The following ZMYND8 variants were observed in gnomAD, a reference collection of about 807,000 sequenced individuals.
The protein encoded by ZMYND8 is zinc finger MYND-type containing 8, also known as MYND-type zinc finger-containing chromatin reader ZMYND8.
ZMYND8 carries 37 observed loss-of-function variants against 140.8 expected under a neutral mutation model. The observed-to-expected ratio is 0.26, with a 90% confidence interval of 0.20 to 0.35. ZMYND8 has a LOEUF of 0.35. Ranked by LOEUF, ZMYND8 falls within the 10% of genes least tolerant of loss-of-function variation. The pLI, the probability that ZMYND8 is intolerant of heterozygous loss-of-function variation, is 1.00. For missense variants in ZMYND8, 1,068 were observed against 1,570.0 expected (o/e 0.68, Z 5.40); for synonymous variants, 592 against 597.1 (o/e 0.99, Z 0.12).
chr20:47,250,830 C>G (rs1014341105), intron 12 of ZMYND8, among the ~76,000 whole-genome samples: 3 of 152,136 alleles, frequency 2.0e-5, no homozygotes, highest in Non-Finnish European at 2.9e-5. Context: ...ATAAATTGCT[C>G]CAACTTAATT....
At chr20:47,352,387 G>A (rs1423984296) in intron 1 of ZMYND8, 1 of 924,016 alleles carries the variant, frequency 1.1e-6, no homozygotes, top group Non-Finnish European at 1.3e-6. Context: ...GAAGCAGCCA[G>A]TCCTAAGACA....
At chr20:47,274,838 GA>G (rs935363939) in intron 11 of ZMYND8, among the ~76,000 whole-genome samples, 1 of 151,860 alleles carries the variant, frequency 6.6e-6, no homozygotes, top group African/African-American at 2.4e-5. Context: ...AAAGAAAAAA[GA>G]AAAAAAATTT....
intron 12 of ZMYND8, among the ~76,000 whole-genome samples, chr20:47,253,447 G>A (rs973488183): frequency 6.7e-6 from 1 of 148,724 alleles, no homozygotes; most frequent in Non-Finnish European, 1.5e-5. Context: ...TGAGGCAAGA[G>A]AATCACTTGA....
At chr20:47,240,709 C>T (rs1165277965) in intron 14 of ZMYND8, among the ~76,000 whole-genome samples, 2 of 151,244 alleles carry the variant, frequency 1.3e-5, no homozygotes, top group Admixed American at 6.6e-5. Context: ...CGCCTGCCAC[C>T]GCACCCAGCT....
intron 2 of ZMYND8, among the ~76,000 whole-genome samples, chr20:47,346,921 C>A (rs1208420152): frequency 6.6e-6 from 1 of 152,174 alleles, no homozygotes; most frequent in Non-Finnish European, 1.5e-5. Context: ...TGTCTTGTAA[C>A]AATCCTCAAA....
intron 6 of ZMYND8, among the ~76,000 whole-genome samples, chr20:47,291,471 C>T (rs1015422819): frequency 4.6e-5 from 7 of 152,172 alleles, no homozygotes; most frequent in African/African-American, 1.7e-4. Context: ...CTCATTAGCA[C>T]CTCCGAAAGA....
At chr20:47,351,015 C>T (rs1245323793) in intron 1 of ZMYND8, among the ~76,000 whole-genome samples, 1 of 152,202 alleles carries the variant, frequency 6.6e-6, no homozygotes, top group African/African-American at 2.4e-5. Context: ...CAAACTGATA[C>T]ATTTGAGGCA....
chr20:47,309,966 A>C lies in ZMYND8; in HGVS notation c.234+90T>G, dbSNP rs1185212680. 2.6e-6 allele frequency: 4 copies of C among 1,555,966 alleles called. No individual in the cohort carries two copies. The Admixed American group carries it at 7.8e-5, about 30-fold the overall frequency. On this transcript the variant is annotated intron_variant, in intron 3 of 22. Transcript: ENST00000471951. ...GCAAGGCAGCTAACTAAATCCAAGA[A>C]AGCCGGCGCTTACAAGGATCCAGAG...
intron 11 of ZMYND8, among the ~76,000 whole-genome samples, chr20:47,274,641 T>C (rs3810524): frequency 0.11 from 17,470 of 152,174 alleles, 1,123 homozygotes; most frequent in South Asian, 0.27. Flanking sequence ...ACAAATTATG[T>C]CAATTCCAAA....
intron 21 of ZMYND8, among the ~76,000 whole-genome samples, chr20:47,218,605 TAG>T (rs1472956995): frequency 6.6e-6 from 1 of 152,182 alleles, no homozygotes; most frequent in African/African-American, 2.4e-5. Context: ...GGCTAAAATC[TAG>T]AGTCTGCTCA....
At chr20:47,323,315 T>C (rs1314382726) in intron 2 of ZMYND8, among the ~76,000 whole-genome samples, 2 of 152,140 alleles carry the variant, frequency 1.3e-5, no homozygotes, top group Non-Finnish European at 2.9e-5. Context: ...CAGTCATGGC[T>C]CACTGCAGCC....
At chr20:47,328,272 T>A (rs1249168588) in intron 2 of ZMYND8, among the ~76,000 whole-genome samples, 2 of 152,168 alleles carry the variant, frequency 1.3e-5, no homozygotes, top group Non-Finnish European at 2.9e-5. Context: ...ATTGCATAAG[T>A]TTTTTGACAT....
intron 14 of ZMYND8, among the ~76,000 whole-genome samples, 199 bp from the exon 15 acceptor site, chr20:47,239,337 C>T (rs928689665): frequency 6.6e-5 from 10 of 152,348 alleles, no homozygotes; most frequent in Non-Finnish European, 1.2e-4. Flanking sequence ...CTTCCATCTC[C>T]GCGAGCAGCG....
At chr20:47,349,249 G>A (rs562445759) in intron 1 of ZMYND8, 7 of 152,442 alleles carry the variant, frequency 4.6e-5, no homozygotes, top group African/African-American at 1.7e-4. Context: ...TGGAGACGAA[G>A]AAAGGTAGTT....
chr20:47,225,231 T>G (rs1194394864), intron 18 of ZMYND8, among the ~76,000 whole-genome samples: 1 of 152,096 alleles, frequency 6.6e-6, no homozygotes, highest in African/African-American at 2.4e-5. Context: ...TTAAGTCCAC[T>G]GGTAATTCAT....
At chr20:47,242,900 AT>A (rs1036659562) in intron 14 of ZMYND8, among the ~76,000 whole-genome samples, 3 of 151,838 alleles carry the variant, frequency 2.0e-5, no homozygotes, top group African/African-American at 7.3e-5. Context: ...AAAAGGGTGA[AT>A]TTTTTTTTAA....
chr20:47,218,164 A>G (rs1370196874), intron 21 of ZMYND8, among the ~76,000 whole-genome samples: 1 of 152,214 alleles, frequency 6.6e-6, no homozygotes, highest in East Asian at 1.9e-4. Flanking sequence ...TGGTCTAGGT[A>G]ATACTCCTCC....
At chr20:47,280,286 A>G (rs1311443807) in intron 10 of ZMYND8, among the ~76,000 whole-genome samples, 4 of 151,998 alleles carry the variant, frequency 2.6e-5, no homozygotes, top group African/African-American at 4.8e-5. Flanking sequence ...AACACGGTGC[A>G]CTCCCTTAAA....
chr20:47,321,443 A>G (rs749248434), intron 2 of ZMYND8, among the ~76,000 whole-genome samples: 2 of 152,230 alleles, frequency 1.3e-5, no homozygotes, highest in Non-Finnish European at 2.9e-5. Context: ...ACATTCTACA[A>G]TGCACAGGAC....
Sources: allele counts gnomAD v4.1 joint callset (sites outside exome capture counted in the v4.1 genomes callset), GRCh38; gene constraint gnomAD v4.1.1; transcripts MANE v1.5; gene names NCBI Gene and HGNC (gene_info 2026-07-23, HGNC 2026-07-21).